Variants in FRMPD4 observed in about 807,000 individuals in gnomAD.
FRMPD4 encodes the protein FERM and PDZ domain-containing protein 4.
Under a neutral mutation model 94.1 loss-of-function variants are expected in FRMPD4, and 22 were observed. The ratio of observed to expected loss-of-function variants is 0.23; its 90% CI spans 0.17 to 0.33. FRMPD4 has a LOEUF of 0.33. FRMPD4 is among the 10% of genes least tolerant of loss of function. The pLI, the probability that FRMPD4 is intolerant of heterozygous loss-of-function variation, is 1.00. For missense variants in FRMPD4, 1,111 were observed against 1,339.9 expected (o/e 0.83, Z 2.67); for synonymous variants, 631 against 548.6 (o/e 1.15, Z -2.10).
chrX:12,558,831 T>C (rs1469129170), intron 2 of FRMPD4, among the ~76,000 whole-genome samples: 3 of 112,106 alleles, frequency 2.7e-5, no homozygotes, highest in African/African-American at 9.7e-5. Context: ...GGTCAGGAGT[T>C]CGAGGCTGTA....
At chrX:12,272,686 G>A (rs1444701346) in intron 1 of FRMPD4, among the ~76,000 whole-genome samples, 1 of 111,925 alleles carries the variant, frequency 8.9e-6, no homozygotes, top group Admixed American at 9.5e-5. Context: ...TAGCTAGCTT[G>A]TAGGGAAATA....
intron 1 of FRMPD4, among the ~76,000 whole-genome samples, chrX:12,184,268 G>A (rs1221925750): frequency 1.8e-5 from 2 of 111,099 alleles, no homozygotes; most frequent in East Asian, 5.7e-4. Context: ...CATGGAGGAA[G>A]CCTTTTGAGA....
intron 1 of FRMPD4, among the ~76,000 whole-genome samples, chrX:12,451,448 T>G (rs1032416596): frequency 2.7e-5 from 3 of 111,327 alleles, no homozygotes; most frequent in Non-Finnish European, 3.8e-5. Flanking sequence ...GGGAAGAGAG[T>G]TGAGGGACAT....
At chrX:12,265,246 G>A (rs758065645) in intron 1 of FRMPD4, among the ~76,000 whole-genome samples, 6 of 112,270 alleles carry the variant, frequency 5.3e-5, no homozygotes, top group East Asian at 5.6e-4. Flanking sequence ...TGATTTTAAC[G>A]TGCAGATAAA....
At chrX:12,549,822 G>T (rs2058515472) in intron 2 of FRMPD4, among the ~76,000 whole-genome samples, 1 of 112,407 alleles carries the variant, frequency 8.9e-6, no homozygotes, top group African/African-American at 3.2e-5. Context: ...CCTTTTTGGA[G>T]AATCGCAGTG....
At chrX:11,862,139 C>A (rs1305115411) in intron 1 of FRMPD4, among the ~76,000 whole-genome samples, 1 of 111,275 alleles carries the variant, frequency 9.0e-6, no homozygotes, top group African/African-American at 3.3e-5. Context: ...CCACCAGGCC[C>A]CACCTCCAAC....
intron 1 of FRMPD4, among the ~76,000 whole-genome samples, chrX:12,366,912 C>T (rs1238088808): frequency 1.8e-5 from 2 of 111,107 alleles, no homozygotes; most frequent in East Asian, 2.8e-4. Flanking sequence ...GGTACCAACC[C>T]AGCAGGGTCC....
intron 1 of FRMPD4, among the ~76,000 whole-genome samples, chrX:12,163,050 A>G (rs2056050645): frequency 9.0e-6 from 1 of 111,011 alleles, no homozygotes; most frequent in Non-Finnish European, 1.9e-5. Flanking sequence ...ACCTCATTAA[A>G]AAAAAGGAGG....
intron 2 of FRMPD4, among the ~76,000 whole-genome samples, chrX:12,543,474 A>C (rs1214845051): frequency 5.3e-5 from 6 of 112,439 alleles, no homozygotes; most frequent in African/African-American, 1.6e-4. Flanking sequence ...ATGCATCCAA[A>C]AGACACATGA....
intron 4 of FRMPD4, among the ~76,000 whole-genome samples, chrX:12,644,106 G>A (rs190149288): frequency 8.9e-4 from 97 of 108,831 alleles, no homozygotes; most frequent in Non-Finnish European, 8.8e-4. Flanking sequence ...GTCTCACTCC[G>A]ACATCCAGGC....
intron 1 of FRMPD4, among the ~76,000 whole-genome samples, chrX:12,477,632 A>C (rs1159143277): frequency 8.9e-6 from 1 of 112,217 alleles, no homozygotes; most frequent in Admixed American, 9.4e-5. Context: ...ATTAGGAACA[A>C]TGTGTTAGAC....
intron 1 of FRMPD4, among the ~76,000 whole-genome samples, chrX:12,361,541 G>A (rs1456236510): frequency 8.9e-6 from 1 of 112,184 alleles, no homozygotes; most frequent in African/African-American, 3.2e-5. Context: ...GATTTGATTG[G>A]TTAGCTTTTT....
intron 3 of FRMPD4, among the ~76,000 whole-genome samples, chrX:11,994,906 C>T (rs1278054682): frequency 9.0e-6 from 1 of 111,364 alleles, no homozygotes; most frequent in East Asian, 2.8e-4. Flanking sequence ...GCTCTGCTTC[C>T]ATGTTTTTCC....
At chrX:12,217,670 G>A (rs140948633) in intron 1 of FRMPD4, among the ~76,000 whole-genome samples, 152 of 111,949 alleles carry the variant, frequency 1.4e-3, no homozygotes, top group African/African-American at 3.2e-3. Flanking sequence ...TCAGTAAACC[G>A]TGCCCTGCTG....
chrX:11,841,456 G>A (rs2053536169), intron 1 of FRMPD4, among the ~76,000 whole-genome samples: 1 of 106,965 alleles, frequency 9.3e-6, no homozygotes. Flanking sequence ...GTGTGAGATG[G>A]TATCTCATTG....
intron 3 of FRMPD4, among the ~76,000 whole-genome samples, chrX:11,915,226 A>G (rs1217232491): frequency 8.9e-6 from 1 of 112,725 alleles, no homozygotes; most frequent in Non-Finnish European, 1.9e-5. Context: ...TCTAAGCTGC[A>G]TAAGATTGCT....
chrX:12,438,863 T>C (rs1033914832), intron 1 of FRMPD4, among the ~76,000 whole-genome samples: 1 of 110,955 alleles, frequency 9.0e-6, no homozygotes, highest in Admixed American at 9.5e-5. Context: ...CACTGTGAGG[T>C]AGAAACTATG....
chrX:12,718,164 A>G lies in FRMPD4; in HGVS notation c.3338A>G (p.Lys1113Arg). Residue 1113 changes from lysine (K) to arginine (R), a missense_variant, in exon 16 of 17, where the codon AAA becomes AGA. This residue lies in a region of FRMPD4 where 551 missense variants were observed against 591.6 expected (regional missense o/e 0.93). Coordinates refer to ENST00000675598, the MANE Select transcript of FRMPD4 (RefSeq NM_001368397.1). ...AGTGGATTAGAAGCAGCAACAGGGA[A>G]AACCTTTCCAAGAGCTTCTGGTCTT... ...EKSGLEAATG[K>R]TFPRASGLGA... 8.3e-7 allele frequency: 1 copy of G among 1,211,690 alleles called. No homozygotes were observed. Among genetic ancestry groups the G allele is most frequent in the Non-Finnish European group, 1.1e-6 (1 of 895,298 alleles).
chrX:12,606,988 A>G (rs1215772012), intron 2 of FRMPD4, among the ~76,000 whole-genome samples: 1 of 111,288 alleles, frequency 9.0e-6, no homozygotes, highest in Non-Finnish European at 1.9e-5. Context: ...GGAGGGATCA[A>G]TGTCTGAAGG....
Sources: allele counts gnomAD v4.1 joint callset (sites outside exome capture counted in the v4.1 genomes callset), GRCh38; gene constraint gnomAD v4.1.1; regional missense constraint gnomAD v4.1.1; transcripts MANE v1.5; gene names NCBI Gene and HGNC (gene_info 2026-07-23, HGNC 2026-07-21).